ZNF69: variants seen among roughly 807,000 people sequenced by gnomAD.
The protein encoded by ZNF69 is zinc finger protein 69, also known as ZNF3.
Under a neutral mutation model 50.9 loss-of-function variants are expected in ZNF69, and 47 were observed. The observed-to-expected ratio is 0.92, with a 90% CI of 0.73 to 1.18. The LOEUF is 1.18. Ranked by LOEUF, ZNF69 falls within the 50% of genes most tolerant of loss-of-function variation. The probability of loss-of-function intolerance (pLI) is 0.00; values close to 1 mark genes in which losing one functional copy is unlikely to be tolerated. For synonymous variants in ZNF69, 216 were observed against 223.1 expected (o/e 0.97, Z 0.29); for missense variants, 717 against 675.1 (o/e 1.06, Z -0.69).
At chr19:11,903,838 T>C in intron 2 of ZNF69, 67 bp from the exon 3 acceptor site, 3 of 1,606,046 alleles carry the variant, frequency 1.9e-6, no homozygotes, top group Non-Finnish European at 2.6e-6. Context: ...ATCATGGGCA[T>C]AGAATCTAAT....
chr19:11,935,059 C>T, the ZNF69 span, among the ~76,000 whole-genome samples: 1 of 144,732 alleles, frequency 6.9e-6, no homozygotes, highest in Non-Finnish European at 1.5e-5. Context: ...CGCCTATAGT[C>T]CCAGCTACTG....
chr19:11,907,277 C>T (rs926623828), downstream of ZNF69, among the ~76,000 whole-genome samples: 2 of 152,172 alleles, frequency 1.3e-5, no homozygotes, highest in Non-Finnish European at 2.9e-5. Context: ...AGAACTTCCC[C>T]AACCTAGCAA....
At chr19:11,975,167 C>G in the ZNF69 span, among the ~76,000 whole-genome samples, 1 of 151,080 alleles carries the variant, frequency 6.6e-6, no homozygotes, top group African/African-American at 2.4e-5. Flanking sequence ...GGTGGAATGT[C>G]AGCTCACCAC....
At chr19:11,949,391 G>T in the ZNF69 span, 1 of 1,613,908 alleles carries the variant, frequency 6.2e-7, no homozygotes, top group Admixed American at 1.7e-5. Context: ...AAAGCCTTCA[G>T]ATCTACCTCA....
chr19:11,956,387 T>G, the ZNF69 span: 1 of 389,942 alleles, frequency 2.6e-6, no homozygotes, highest in African/African-American at 2.1e-5. Context: ...GGTTAGATAC[T>G]TTCCCTGATG....
At chr19:11,916,405 A>G (rs985470868), downstream of ZNF69, among the ~76,000 whole-genome samples, 6 of 152,206 alleles carry the variant, frequency 3.9e-5, no homozygotes, top group African/African-American at 7.2e-5. Context: ...ACTTGAGGTC[A>G]GGAGTTCAAG....
At chr19:11,941,550 C>G in the ZNF69 span, among the ~76,000 whole-genome samples, 146 of 152,342 alleles carry the variant, frequency 9.6e-4, 1 homozygote, top group Admixed American at 2.7e-3. Context: ...TGCTAAGCCC[C>G]TCATTGCCCA....
chr19:11,976,888 T>C, the ZNF69 span: 2 of 1,507,490 alleles, frequency 1.3e-6, no homozygotes, highest in Admixed American at 4.9e-5. Context: ...AAATGCTTTA[T>C]GGAAGAAAGT....
the ZNF69 span, among the ~76,000 whole-genome samples, chr19:11,971,188 A>G: frequency 6.6e-6 from 1 of 152,190 alleles, no homozygotes; most frequent in African/African-American, 2.4e-5. Flanking sequence ...GTCCATGTTC[A>G]GGGAGTTGGC....
the ZNF69 span, chr19:11,978,396 T>A: frequency 6.2e-7 from 1 of 1,614,124 alleles, no homozygotes; most frequent in Non-Finnish European, 8.5e-7. Flanking sequence ...ATATCACCCC[T>A]CCTTTAGAAC....
the ZNF69 span, among the ~76,000 whole-genome samples, chr19:11,943,291 G>T: frequency 6.6e-6 from 1 of 152,044 alleles, no homozygotes; most frequent in Non-Finnish European, 1.5e-5. Context: ...ACAGCAATTG[G>T]TTAGGTTAAA....
At position 11,905,220 on chromosome 19, in the gene ZNF69, C is replaced by G. The variant is rs1436425652; in HGVS notation, c.823C>G (p.Pro275Ala). ...CGAAAGAACTCACACTGGAGAAAAG[C>G]CTTATGAATGTCAGCAATGTGGGAA... ...IHERTHTGEK[P>A]YECQQCGKAF... Residue 275 changes from proline (P) to alanine (A), a missense_variant, in exon 4 of 4, where the codon CCT (proline) becomes GCT (alanine). Physicochemically the swap from Pro to Ala is conservative, Grantham distance 27 (BLOSUM62 -1). Transcript: ENST00000429654. 3 of 1,613,994 alleles carry G rather than the reference C, an allele frequency of 1.9e-6. No individual in the cohort carries two copies. The highest frequency in any genetic ancestry group is 1.6e-4 in the Middle Eastern group (1 of 6,084).
chr19:11,974,093 C>CTTTCTTTCTTTCTTTCT, the ZNF69 span, among the ~76,000 whole-genome samples: 2 of 89,046 alleles, frequency 2.2e-5, no homozygotes, highest in East Asian at 5.6e-4. Context: ...TTCTTTCTTT[C>CTTTCTTTCTTTCTTTCT]TTTCTTTCTT....
rs756623291 is a variant in ZNF69 at position 11,905,876 on chromosome 19, G to T, written c.1479G>T (p.Leu493Phe). The T allele has an allele frequency of 1.8e-5, 29 of 1,611,402 alleles. No homozygotes were observed. Among genetic ancestry groups the T allele is most frequent in the Middle Eastern group, 1.6e-4 (1 of 6,072 alleles). Residue 493 changes from leucine (L) to phenylalanine (F), a missense_variant, in exon 4 of 4, where the codon TTG (leucine) becomes TTT (phenylalanine). By Grantham distance (22) the Leu-to-Phe change is conservative. Transcript: ENST00000429654. ...CGKGFYCPKS[L>F]QRHEKTHTGE... ...AAGGCTTTTATTGTCCCAAATCATTGCAAAGACATGAAAAAACTCACACTG... is the reference window on the plus strand; with the variant it reads ...AAGGCTTTTATTGTCCCAAATCATTTCAAAGACATGAAAAAACTCACACTG...
the ZNF69 span, among the ~76,000 whole-genome samples, chr19:11,951,173 G>T: frequency 2.1e-5 from 3 of 142,568 alleles, no homozygotes; most frequent in Admixed American, 2.1e-4. Context: ...AAAAAAGAAA[G>T]AAATTTTACT....
intron 1 of ZNF69, among the ~76,000 whole-genome samples, chr19:11,901,982 T>G (rs959140875): frequency 6.7e-6 from 1 of 148,216 alleles, no homozygotes; most frequent in Non-Finnish European, 1.5e-5. Context: ...TATTTTCTTT[T>G]TTTTTTTTTT....
At chr19:11,919,073 T>C (rs796093929), downstream of ZNF69, among the ~76,000 whole-genome samples, 1 of 152,108 alleles carries the variant, frequency 6.6e-6, no homozygotes, top group South Asian at 2.1e-4. Context: ...TTTTTTGTAT[T>C]TTTAGTAGAG....
Position 11,903,620 on chromosome 19 carries a change from G to A in ZNF69, c.111G>A (p.Glu37=), listed in dbSNP as rs760757827. ...TTGCTGTGAACTTCACCCAGGAGGA[G>A]TGGGCTTTGCTGGATATTTCCCAGA... The part of the protein sequence containing the change: ...DDVAVNFTQE[E]WALLDISQRK... Residue 37 remains glutamate (E), a synonymous_variant, in exon 2 of 4, where the codon GAG becomes GAA. Transcript: ENST00000429654. The A allele has an allele frequency of 1.2e-6, 2 of 1,614,064 alleles. No homozygotes were observed. Among genetic ancestry groups the A allele is most frequent in the African/African-American group, 1.3e-5 (1 of 74,924 alleles).
the ZNF69 span, among the ~76,000 whole-genome samples, chr19:11,974,155 T>C: frequency 3.3e-3 from 386 of 115,498 alleles, 1 homozygote; most frequent in African/African-American, 4.6e-3. Context: ...TCTTTCTTTC[T>C]TTCCTTCCTT....
Sources: gnomAD v4.1 joint callset for allele counts (sites outside exome capture counted in the v4.1 genomes callset) on GRCh38, gnomAD v4.1.1 for gene constraint, MANE v1.5 for transcripts, NCBI Gene and HGNC (gene_info 2026-07-23, HGNC 2026-07-21) for gene names.